Variants in TAF12 observed in about 807,000 individuals in gnomAD.
TAF12 encodes the protein TATA-box binding protein associated factor 12.
TAF12 carries 3 observed loss-of-function variants against 20.8 expected under a neutral mutation model. That is an observed-to-expected ratio of 0.14 (90% CI 0.07 to 0.37). TAF12 has a LOEUF of 0.37. TAF12 is among the 10% of genes least tolerant of loss of function. TAF12 has a pLI of 1.00. For synonymous variants in TAF12, 69 were observed against 70.2 expected, an observed-to-expected ratio of 0.98 and a Z score of 0.09; for missense variants, 131 against 197.9, an observed-to-expected ratio of 0.66 and a Z score of 2.03.
At chr1:28,635,275 CCTTT>C (rs1396170362) in intron 1 of TAF12, among the ~76,000 whole-genome samples, 2 of 141,380 alleles carry the variant, frequency 1.4e-5, no homozygotes, top group Non-Finnish European at 3.1e-5. Context: ...TATCCTCCCT[CCTTT>C]TTTTTTTTTT....
chr1:28,625,820 C>A (rs1047436627), intron 1 of TAF12, among the ~76,000 whole-genome samples: 4 of 151,382 alleles, frequency 2.6e-5, no homozygotes, highest in African/African-American at 4.9e-5. Context: ...AGATTACAGG[C>A]GTGAGCCACC....
chr1:28,624,306 G>A (rs1278846507), intron 1 of TAF12, among the ~76,000 whole-genome samples: 1 of 152,112 alleles, frequency 6.6e-6, no homozygotes, highest in African/African-American at 2.4e-5. Context: ...TATTTTATTG[G>A]GCAAAATTGT....
At chr1:28,622,626 T>C (rs979062432) in intron 1 of TAF12, among the ~76,000 whole-genome samples, 2 of 152,050 alleles carry the variant, frequency 1.3e-5, no homozygotes, top group Non-Finnish European at 2.9e-5. Context: ...CAGTAGCTCA[T>C]GTCTGTAATC....
At chr1:28,642,010 C>T (rs1403200670) in intron 1 of TAF12, among the ~76,000 whole-genome samples, 3 of 152,090 alleles carry the variant, frequency 2.0e-5, no homozygotes, top group Non-Finnish European at 4.4e-5. Context: ...AAAAGATGAT[C>T]TTTTGGGACT....
intron 2 of TAF12, among the ~76,000 whole-genome samples, chr1:28,618,534 ATT>A (rs968347496): frequency 3.5e-3 from 440 of 125,640 alleles, no homozygotes; most frequent in African/African-American, 0.012. Flanking sequence ...TACCTGGCTA[ATT>A]TTTTTTTTTT....
At chr1:28,627,988 T>C (rs918303801) in intron 1 of TAF12, among the ~76,000 whole-genome samples, 36 of 152,054 alleles carry the variant, frequency 2.4e-4, no homozygotes, top group African/African-American at 8.5e-4. Context: ...CATAGGCTTA[T>C]ACAACTGTCG....
rs374458381 is a variant in TAF12, at chr1:28,621,811, A to C, written c.168+103T>G. The stretch of plus-strand genomic sequence containing the variant: ...AAAGAGGGAAAAGACCTTTTCGGCT[A>C]AGAGAAAAAAGCAGCATCTGAGATG... On this transcript the variant is annotated intron_variant, in intron 2 of 5. Coordinates refer to ENST00000373824, the MANE Select transcript of TAF12 (RefSeq NM_005644.4). The C allele has an allele frequency of 1.4e-5, 21 of 1,492,778 alleles. No homozygotes were observed. In the East Asian group the frequency reaches 2.5e-4, roughly 18 times the overall value. The allele number at this position is 1,492,778 out of a possible 1,614,324, so 92.5% of individuals were successfully genotyped here.
intron 1 of TAF12, among the ~76,000 whole-genome samples, chr1:28,623,006 AAC>A (rs1383088487): frequency 6.6e-6 from 1 of 151,684 alleles, no homozygotes; most frequent in Admixed American, 6.6e-5. Context: ...CAGCCTGGGC[AAC>A]AGAGTGAGAC....
chr1:28,647,160 C>T (rs575446646), upstream of TAF12, among the ~76,000 whole-genome samples: 10 of 152,112 alleles, frequency 6.6e-5, no homozygotes, highest in South Asian at 1.9e-3. Context: ...TATATATATA[C>T]GATGTGTACA....
chr1:28,608,175 C>CAAAAAAAAAAA (rs58747974), intron 4 of TAF12, among the ~76,000 whole-genome samples: 11 of 63,662 alleles, frequency 1.7e-4, no homozygotes, highest in Non-Finnish European at 2.6e-4. Flanking sequence ...ACTAAAAATA[C>CAAAAAAAAAAA]AAAAAAAAAA....
intron 4 of TAF12, among the ~76,000 whole-genome samples, chr1:28,610,371 A>G (rs1167484578): frequency 6.6e-6 from 1 of 152,132 alleles, no homozygotes; most frequent in Non-Finnish European, 1.5e-5. Context: ...AGCTCACTGC[A>G]GCCTTGACCT....
intron 1 of TAF12, among the ~76,000 whole-genome samples, chr1:28,635,274 TC>T (rs1667781311): frequency 1.8e-5 from 2 of 110,632 alleles, no homozygotes; most frequent in African/African-American, 3.2e-5. Context: ...CTATCCTCCC[TC>T]CTTTTTTTTT....
intron 4 of TAF12, among the ~76,000 whole-genome samples, chr1:28,612,005 C>T (rs1032639085): frequency 3.3e-5 from 5 of 152,152 alleles, no homozygotes; most frequent in Non-Finnish European, 7.3e-5. Flanking sequence ...TCTCTAGATA[C>T]CAGCAACATT....
chr1:28,615,369 A>C (rs1666998127), intron 3 of TAF12, among the ~76,000 whole-genome samples: 1 of 151,748 alleles, frequency 6.6e-6, no homozygotes, highest in Non-Finnish European at 1.5e-5. Context: ...TCCCTCCCTA[A>C]TCCCATTAAA....
intron 1 of TAF12, chr1:28,642,747 T>C (rs528246676): frequency 2.0e-6 from 2 of 985,460 alleles, no homozygotes; most frequent in East Asian, 1.1e-4. Context: ...CTCAGACCAC[T>C]TTCCCTCAGA....
At chr1:28,610,980 A>C (rs974451858) in intron 4 of TAF12, among the ~76,000 whole-genome samples, 12 of 92,930 alleles carry the variant, frequency 1.3e-4, no homozygotes, top group East Asian at 1.2e-3. Context: ...AAAAAAAAAA[A>C]AAACACAGGT....
chr1:28,624,339 A>T (rs912613248), intron 1 of TAF12, among the ~76,000 whole-genome samples: 2 of 152,226 alleles, frequency 1.3e-5, no homozygotes, highest in Non-Finnish European at 2.9e-5. Flanking sequence ...TGCAGGAATT[A>T]TATCAATGGC....
chr1:28,628,950 T>C (rs1217760242), intron 1 of TAF12, among the ~76,000 whole-genome samples: 1 of 152,154 alleles, frequency 6.6e-6, no homozygotes, highest in Non-Finnish European at 1.5e-5. Flanking sequence ...CGGGCGCCTG[T>C]AATCCCAGCT....
intron 1 of TAF12, among the ~76,000 whole-genome samples, chr1:28,636,231 C>A (rs1667818968): frequency 6.6e-6 from 1 of 152,126 alleles, no homozygotes. Flanking sequence ...CATGTGGGAC[C>A]CCACGTCTGT....
Sources: gnomAD v4.1 joint callset for allele counts (sites outside exome capture counted in the v4.1 genomes callset) on GRCh38, gnomAD v4.1.1 for gene constraint, MANE v1.5 for transcripts, NCBI Gene and HGNC (gene_info 2026-07-23, HGNC 2026-07-21) for gene names.